Variants in PMM1 observed in about 807,000 individuals in gnomAD.
The protein encoded by PMM1 is phosphomannomutase 1.
PMM1 carries 25 observed loss-of-function variants against 34.0 expected under a neutral mutation model. The ratio of observed to expected loss-of-function variants is 0.73; its 90% confidence interval spans 0.54 to 1.03. The LOEUF is 1.03. PMM1 is among the 50% of genes least tolerant of loss of function. The probability of loss-of-function intolerance (pLI) is 0.00; values close to 1 mark genes in which losing one functional copy is unlikely to be tolerated. For synonymous variants in PMM1, 134 were observed against 143.9 expected (o/e 0.93, Z 0.49); for missense variants, 321 against 350.1 (o/e 0.92, Z 0.66).
At chr22:41,583,843 G>A in intron 5 of PMM1, 116 bp downstream of exon 5, 1 of 721,124 alleles carries the variant, frequency 1.4e-6, no homozygotes, top group South Asian at 1.5e-5. Context: ...TGCCTGAAAG[G>A]GTATCAGTTA....
At chr22:41,587,871 G>T (rs2067330307) in intron 1 of PMM1, among the ~76,000 whole-genome samples, 1 of 152,160 alleles carries the variant, frequency 6.6e-6, no homozygotes, top group Non-Finnish European at 1.5e-5. Context: ...AGGAGAGTGT[G>T]CTCATGAAAA....
rs2067184052 is a variant in PMM1, at chr22:41,577,276, C to T, written c.*42G>A. ...ACCAGGACCTCTCTTTAGGCCTAGGCCAAACTCTTCAGAAGTCACGACACA... is the reference window on the plus strand; with the variant it reads ...ACCAGGACCTCTCTTTAGGCCTAGGTCAAACTCTTCAGAAGTCACGACACA... On this transcript the variant is annotated 3_prime_UTR_variant, in exon 8 of 8. Transcript: ENST00000216259. The T allele has an allele frequency of 1.2e-6, 2 of 1,611,420 alleles. No homozygotes were observed. The highest frequency in any genetic ancestry group is 1.7e-6 in the Non-Finnish European group (2 of 1,179,848).
rs777332698 is a variant in PMM1, at chr22:41,588,830, G to A, written c.87+889C>T. 1.4e-4 allele frequency: 136 copies of A among 985,460 alleles called. No homozygotes were observed. The African/African-American group carries it at 2.1e-3, about 15-fold the overall frequency. The allele number at this position is 985,460 out of a possible 1,614,324, so 61.0% of individuals were successfully genotyped here. On this transcript the variant is annotated intron_variant, in intron 1 of 7. Coordinates refer to ENST00000216259, the MANE Select transcript of PMM1 (RefSeq NM_002676.3). ...ACTGCCCAGTAAAGCCCATCCCACTGCTCCCCCACGCTAGGAGACCTGTTG... is the reference window on the plus strand; with the variant it reads ...ACTGCCCAGTAAAGCCCATCCCACTACTCCCCCACGCTAGGAGACCTGTTG...
chr22:41,588,593 G>T, intron 1 of PMM1: 1 of 926,518 alleles, frequency 1.1e-6, no homozygotes, highest in Non-Finnish European at 1.3e-6. Flanking sequence ...GACCTCAGGT[G>T]ATCTGCCCAC....
Position 41,586,206 on chromosome 22 carries a change from A to G in PMM1, c.88-13T>C. 1 of 1,605,218 alleles carries G rather than the reference A, an allele frequency of 6.2e-7. No individual in the cohort carries two copies. ...CAGGGTCAATTTTCTATGGGGGGAG[A>G]GGGGAAGCATAGCATTCTGGCTTTC... On this transcript the variant is annotated splice_polypyrimidine_tract_variant and intron_variant, in intron 1 of 7. Transcript: ENST00000216259.
chr22:41,586,398 A>C lies in PMM1; in HGVS notation c.88-205T>G, dbSNP rs1438306121. ...AACACTTTGCGAGGCCAAGGCAGAA[A>C]GATCACTTGACCCAGGAGTTTGAGA... On this transcript the variant is annotated intron_variant, in intron 1 of 7. Transcript: ENST00000216259. The C allele has an allele frequency of 7.2e-6, 6 of 834,116 alleles. 1 individual carries two copies. The highest frequency in any genetic ancestry group is 1.0e-5 in the Non-Finnish European group (6 of 585,704). The allele number at this position is 834,116 out of a possible 1,614,324, so 51.7% of individuals were successfully genotyped here. A position where few individuals can be genotyped will look rare whatever the true frequency, so the allele number is the denominator to read the frequency against.
At position 41,577,414 on chromosome 22, in the gene PMM1, G is replaced by A. The variant is rs547396128; in HGVS notation, c.693C>T (p.Ala231=). 5.6e-6 allele frequency: 9 copies of A among 1,612,104 alleles called. No homozygotes were observed. Among genetic ancestry groups the A allele is most frequent in the South Asian group, 1.1e-5 (1 of 91,080 alleles). ...SPGGNDFEIF[A]DPRTVGHSVV... Reference sequence around the variant, plus strand: ...CGCTGTGGCCAACAGTCCGGGGGTCGGCAAAGATCTCAAAGTCGTTCCCAC... The same window carrying A: ...CGCTGTGGCCAACAGTCCGGGGGTCAGCAAAGATCTCAAAGTCGTTCCCAC... The change falls in exon 8 of 8, where the codon GCC becomes GCT. Residue 231 remains alanine (A), a synonymous_variant. Coordinates refer to ENST00000216259, the MANE Select transcript of PMM1 (RefSeq NM_002676.3).
intron 2 of PMM1, 139 bp downstream of exon 2, chr22:41,585,937 T>G: frequency 2.8e-6 from 2 of 703,220 alleles, no homozygotes; most frequent in Middle Eastern, 4.1e-4. Flanking sequence ...AGTGCTCAAG[T>G]GTTTGTCAAA....
intron 5 of PMM1, among the ~76,000 whole-genome samples, chr22:41,581,387 G>A: frequency 6.6e-6 from 1 of 152,016 alleles, no homozygotes; most frequent in East Asian, 1.9e-4. Context: ...GGCACAGGTG[G>A]GAGTCAGGAG....
Position 41,589,789 on chromosome 22 carries a change from TG to T in PMM1, c.16del (p.Gln6ArgfsTer103), listed in dbSNP as rs1462545622. 6.2e-7 allele frequency: 1 copy of T among 1,607,190 alleles called. No homozygotes were observed. Among genetic ancestry groups the T allele is most frequent in the Non-Finnish European group, 8.5e-7 (1 of 1,177,788 alleles). ...GACGCGCTCCTTCCTGCGGGCTGCC[TG>T]GGCGGTGACTGCCATGGCTGCAGGT... is the stretch of plus-strand genomic sequence containing the variant. MAVTA[Q>X]AARRKERVLC... On this transcript the variant is annotated frameshift_variant, in exon 1 of 8. Transcript: ENST00000216259. LOFTEE classifies it high-confidence loss of function.
intron 6 of PMM1, among the ~76,000 whole-genome samples, chr22:41,578,564 G>C (rs1276991234): frequency 1.3e-5 from 2 of 152,124 alleles, no homozygotes; most frequent in African/African-American, 4.8e-5. Context: ...AGAGGCTCTG[G>C]TTTTTTGGCC....
At chr22:41,578,185 T>C (rs955541889) in intron 6 of PMM1, among the ~76,000 whole-genome samples, 5 of 152,048 alleles carry the variant, frequency 3.3e-5, no homozygotes, top group Non-Finnish European at 7.4e-5. Context: ...AGCTGGGACC[T>C]GAGCCGAGTG....
At position 41,589,739 on chromosome 22, in the gene PMM1, T is replaced by C; in HGVS notation, c.67A>G (p.Thr23Ala). The C allele has an allele frequency of 6.2e-7, 1 of 1,611,656 alleles. No homozygotes were observed. Residue 23 changes from threonine (T) to alanine (A), a missense_variant, in exon 1 of 8, where the codon ACC becomes GCC. Physicochemically the swap from Thr to Ala is moderately conservative, Grantham distance 58 (BLOSUM62 0). Coordinates refer to ENST00000216259, the MANE Select transcript of PMM1 (RefSeq NM_002676.3). ...CCTACCTGGCGAGCCGGCGTGAGGG[T>C]CCCGTCCACGTCAAACAGGCAGAGG... ...RVLCLFDVDG[T>A]LTPARQKIDP...
chr22:41,577,507 G>A, intron 7 of PMM1, 67 bp from the exon 8 acceptor site: 1 of 1,518,614 alleles, frequency 6.6e-7, no homozygotes, highest in Non-Finnish European at 8.9e-7. Context: ...GGCTGCTACG[G>A]ACCTGCCCCT....
At chr22:41,578,944 GCA>G in intron 5 of PMM1, 63 bp from the exon 6 acceptor site, 4 of 1,429,254 alleles carry the variant, frequency 2.8e-6, no homozygotes, top group Non-Finnish European at 3.0e-6. Flanking sequence ...CCCTGGCTGG[GCA>G]CACAGTCCAC....
chr22:41,577,143 T>C lies in PMM1; in HGVS notation c.*175A>G, dbSNP rs2067182660. On this transcript the variant is annotated 3_prime_UTR_variant, in exon 8 of 8. Coordinates refer to ENST00000216259, the MANE Select transcript of PMM1 (RefSeq NM_002676.3). Reference sequence around the variant, plus strand: ...CCTGGGAGGACGAAGCCAGTGCCACTAGGAGCAGACTGGCTGGGGACGGTT... The same window carrying C: ...CCTGGGAGGACGAAGCCAGTGCCACCAGGAGCAGACTGGCTGGGGACGGTT... 2 of 815,590 alleles carry C rather than the reference T, an allele frequency of 2.5e-6. No homozygotes were observed. The highest frequency in any genetic ancestry group is 4.0e-6 in the Non-Finnish European group (2 of 498,818). 50.5% of individuals were successfully genotyped at this position (815,590 alleles called of 1,614,324 possible).
At chr22:41,583,136 T>C (rs1286181904) in intron 5 of PMM1, among the ~76,000 whole-genome samples, 1 of 151,574 alleles carries the variant, frequency 6.6e-6, no homozygotes, top group East Asian at 1.9e-4. Context: ...CAAGGAAGGA[T>C]TGTAAATGAG....
At chr22:41,589,083 C>G (rs1219260450) in intron 1 of PMM1, 2 of 1,303,782 alleles carry the variant, frequency 1.5e-6, no homozygotes, top group Non-Finnish European at 2.0e-6. Context: ...TCACAGCAAA[C>G]AGGCTAGGCC....
In PMM1 at chr22:41,589,813, G is replaced by A. The variant is rs370371674; in HGVS notation, c.-8C>T. 2.4e-4 allele frequency: 387 copies of A among 1,600,384 alleles called. 2 individuals are homozygous for A. The highest frequency in any genetic ancestry group is 1.7e-3 in the Middle Eastern group (9 of 5,408). ...CTGGGCGGTGACTGCCATGGCTGCA[G>A]GTCCGCGCGCGGGGCGGAGTCCCGA... On this transcript the variant is annotated 5_prime_UTR_variant, in exon 1 of 8. Transcript: ENST00000216259.
Sources: gnomAD v4.1 joint callset for allele counts (sites outside exome capture counted in the v4.1 genomes callset) on GRCh38, gnomAD v4.1.1 for gene constraint, MANE v1.5 for transcripts, NCBI Gene and HGNC (gene_info 2026-07-23, HGNC 2026-07-21) for gene names.